The following DYM variants were observed in gnomAD, a reference collection of about 807,000 sequenced individuals.
The protein encoded by DYM is dyggve-Melchior-Clausen syndrome protein.
DYM carries 78 observed loss-of-function variants against 93.1 expected under a neutral mutation model. The observed-to-expected ratio is 0.84, with a 90% CI of 0.70 to 1.01. The LOEUF (loss-of-function observed/expected upper bound fraction) is 1.01. Among genes scored for constraint, DYM ranks in the 50% least tolerant of loss-of-function variants. DYM has a pLI of 0.00. For synonymous variants in DYM, 321 were observed against 319.7 expected (o/e 1.00, Z -0.04); for missense variants, 789 against 845.0 (o/e 0.93, Z 0.82).
chr18:49,393,049 AGGGGAGGAGG>A (rs2147918673), intron 2 of DYM, among the ~76,000 whole-genome samples: 2 of 71,888 alleles, frequency 2.8e-5, no homozygotes, highest in South Asian at 1.2e-3. Context: ...GAGGAGGAGG[AGGGGAGGAGG>A]GGAGGAGGAG....
At chr18:49,165,269 G>T (rs1200370992) in intron 14 of DYM, among the ~76,000 whole-genome samples, 1 of 151,976 alleles carries the variant, frequency 6.6e-6, no homozygotes, top group Non-Finnish European at 1.5e-5. Context: ...AACTTCAGAG[G>T]TATGTATTAT....
intron 2 of DYM, among the ~76,000 whole-genome samples, chr18:49,419,327 C>T (rs900750095): frequency 6.6e-6 from 1 of 151,936 alleles, no homozygotes; most frequent in East Asian, 1.9e-4. Context: ...CCACTGCACT[C>T]CAGCCTGGGC....
chr18:49,413,866 C>A lies in DYM; in HGVS notation c.140+16389G>T, dbSNP rs544335996. On this transcript the variant is annotated intron_variant, in intron 2 of 17. Transcript: ENST00000675505. The stretch of plus-strand genomic sequence containing the variant: ...CTCCACTAAAAAATACAAAAATTAG[C>A]GGGCATGGTGGTGCACACTTGTAAT... Among the ~76,000 whole-genome samples, 4 of 152,058 alleles carry A rather than the reference C, an allele frequency of 2.6e-5. No individual in the cohort carries two copies. In the South Asian group the frequency reaches 8.3e-4, roughly 32 times the overall value.
chr18:49,384,316 T>C (rs1234375967), intron 3 of DYM, among the ~76,000 whole-genome samples: 1 of 97,294 alleles, frequency 1.0e-5, no homozygotes, highest in East Asian at 3.3e-4. Flanking sequence ...AGTGAGACCA[T>C]GTCTCCAAAA....
chr18:49,166,269 G>C (rs2145138213), intron 14 of DYM, among the ~76,000 whole-genome samples: 1 of 152,132 alleles, frequency 6.6e-6, no homozygotes. Flanking sequence ...TATATACTAT[G>C]CTGTACCTTT....
chr18:49,407,849 C>T (rs1181340446), intron 2 of DYM, among the ~76,000 whole-genome samples: 1 of 151,856 alleles, frequency 6.6e-6, no homozygotes, highest in Non-Finnish European at 1.5e-5. Flanking sequence ...CAAGATGTTA[C>T]AGTTACAAGA....
chr18:49,127,510 G>A (rs1476533529), intron 15 of DYM, among the ~76,000 whole-genome samples: 4 of 152,080 alleles, frequency 2.6e-5, no homozygotes, highest in Admixed American at 6.6e-5. Flanking sequence ...TATTAGTTTT[G>A]GGGGGATTCC....
intron 2 of DYM, among the ~76,000 whole-genome samples, chr18:49,392,136 T>A (rs1471000424): frequency 6.6e-6 from 1 of 152,162 alleles, no homozygotes; most frequent in Non-Finnish European, 1.5e-5. Context: ...TTTTGGTGGT[T>A]TATAAATATA....
chr18:49,118,618 A>G (rs1488024071), intron 16 of DYM, 126 bp downstream of exon 16: 2 of 868,116 alleles, frequency 2.3e-6, no homozygotes, highest in Admixed American at 2.0e-5. Flanking sequence ...AGTAAAATAG[A>G]CTGCAAATAC....
intron 9 of DYM, 55 bp downstream of exon 9, chr18:49,286,376 ATAG>A (rs2059663583): frequency 1.3e-6 from 2 of 1,574,566 alleles, no homozygotes; most frequent in African/African-American, 2.7e-5. Context: ...AATAAACAAT[ATAG>A]AACAAGCAAT....
At chr18:49,129,400 C>A (rs947869433) in intron 15 of DYM, among the ~76,000 whole-genome samples, 10 of 152,154 alleles carry the variant, frequency 6.6e-5, no homozygotes, top group Non-Finnish European at 1.5e-4. Context: ...TTCTTAAGTT[C>A]ATCAGAATAT....
At chr18:49,415,321 CAAAAAA>C (rs71165393) in intron 2 of DYM, among the ~76,000 whole-genome samples, 15 of 87,098 alleles carry the variant, frequency 1.7e-4, no homozygotes, top group East Asian at 1.2e-3. Flanking sequence ...CTGGGTCTCT[CAAAAAA>C]AAAAAAAAAA....
At chr18:49,048,491 T>A (rs749618255) in intron 17 of DYM, 10 of 152,264 alleles carry the variant, frequency 6.6e-5, no homozygotes, top group African/African-American at 9.6e-5. Flanking sequence ...CTCCATTCAG[T>A]GACTTACATG....
rs1176310617 is a variant in DYM at position 49,079,896 on chromosome 18, G to GC, written c.2025+17505dup. On this transcript the variant is annotated intron_variant, in intron 17 of 17. Transcript: ENST00000675505. ...CCACAAAACCGCCATTGTCATCCCGGCCCGTTCTCAATGAGCTGTTGGGTA... is the reference window on the plus strand; with the variant it reads ...CCACAAAACCGCCATTGTCATCCCGGCCCCGTTCTCAATGAGCTGTTGGGTA... Among the ~76,000 whole-genome samples, 131 of 151,432 alleles carry GC rather than the reference G, an allele frequency of 8.7e-4. 1 individual carries two copies. The highest frequency in any genetic ancestry group is 1.0e-3 in the Non-Finnish European group (70 of 67,662).
intron 8 of DYM, among the ~76,000 whole-genome samples, chr18:49,324,836 T>C (rs1275968966): frequency 6.6e-6 from 1 of 152,216 alleles, no homozygotes; most frequent in African/African-American, 2.4e-5. Context: ...TATAATTTTC[T>C]ATTTTGTATA....
intron 13 of DYM, among the ~76,000 whole-genome samples, chr18:49,219,596 T>C (rs1238787776): frequency 6.6e-6 from 1 of 152,162 alleles, no homozygotes; most frequent in African/African-American, 2.4e-5. Flanking sequence ...GCAAGGCTGG[T>C]TCAATATATG....
rs370889439 is a variant in DYM, at chr18:49,428,380, T to C, written c.140+1875A>G. On this transcript the variant is annotated intron_variant, in intron 2 of 17. Coordinates refer to ENST00000675505, the MANE Select transcript of DYM (RefSeq NM_001353214.3). ...CATGAAACGTCTAGAAGAGGCAAAGTTAGTAGTAGTTATTAAATTAGTGGC... is the reference window on the plus strand; with the variant it reads ...CATGAAACGTCTAGAAGAGGCAAAGCTAGTAGTAGTTATTAAATTAGTGGC... Among the ~76,000 whole-genome samples, 156 of 151,920 alleles carry C rather than the reference T, an allele frequency of 1.0e-3. 4 individuals are homozygous for C. The South Asian group carries it at 0.031, about 30-fold the overall frequency.
intron 15 of DYM, among the ~76,000 whole-genome samples, chr18:49,156,814 C>T (rs547248304): frequency 6.6e-6 from 1 of 151,928 alleles, no homozygotes; most frequent in East Asian, 1.9e-4. Flanking sequence ...CATATGCCCC[C>T]CTCCTAGATG....
In DYM at chr18:49,164,338, T is replaced by TA. The variant is rs558140647; in HGVS notation, c.1626-552dup. ...TCTCCTGCTATCACTAACTGAAAAC[T>TA]AAAAAAAAAAAATGACACAACTGTT... On this transcript the variant is annotated intron_variant, in intron 14 of 17. Transcript: ENST00000675505. 4.3e-3 allele frequency among the ~76,000 whole-genome samples: 620 copies of TA among 143,196 alleles called. 7 individuals carry two copies. Among genetic ancestry groups the TA allele is most frequent in the East Asian group, 0.029 (144 of 4,958 alleles). The allele number at this position is 143,196 out of a possible 152,430, so 93.9% of individuals were successfully genotyped here.
Sources: gnomAD v4.1 joint callset for allele counts (sites outside exome capture counted in the v4.1 genomes callset) on GRCh38, gnomAD v4.1.1 for gene constraint, MANE v1.5 for transcripts, NCBI Gene and HGNC (gene_info 2026-07-23, HGNC 2026-07-21) for gene names.